The following BIRC6 variants were observed in gnomAD, a reference collection of about 807,000 sequenced individuals.
The protein encoded by BIRC6 is dual E2 ubiquitin-conjugating enzyme/E3 ubiquitin-protein ligase BIRC6.
BIRC6 carries 98 observed loss-of-function variants against 503.3 expected under a neutral mutation model. That is an observed-to-expected ratio of 0.19 (90% CI 0.17 to 0.23). The LOEUF is 0.23. Ranked by LOEUF, BIRC6 falls within the 10% of genes least tolerant of loss-of-function variation. BIRC6 has a pLI of 1.00. For synonymous variants in BIRC6, 2,240 were observed against 2,078.7 expected, an observed-to-expected ratio of 1.08 and a Z score of -2.11; for missense variants, 5,360 against 5,806.0, an observed-to-expected ratio of 0.92 and a Z score of 2.50.
At chr2:32,519,103 T>C in intron 57 of BIRC6, 157 bp downstream of exon 57, 1 of 722,416 alleles carries the variant, frequency 1.4e-6, no homozygotes, top group Non-Finnish European at 2.1e-6. Context: ...AAGAAGCCAG[T>C]CAAGTGGACA....
chr2:32,399,953 A>G (rs2040419935), intron 6 of BIRC6, among the ~76,000 whole-genome samples: 1 of 150,578 alleles, frequency 6.6e-6, no homozygotes, highest in African/African-American at 2.4e-5. Context: ...ACACCCAGCT[A>G]ATTATTTTTA....
intron 6 of BIRC6, among the ~76,000 whole-genome samples, chr2:32,398,626 G>A (rs2040247453): frequency 6.6e-6 from 1 of 151,982 alleles, no homozygotes. Flanking sequence ...TTTTAGAAAT[G>A]TATCACTTAA....
intron 6 of BIRC6, among the ~76,000 whole-genome samples, chr2:32,396,665 TA>T (rs2039927922): frequency 6.6e-6 from 1 of 152,156 alleles, no homozygotes; most frequent in East Asian, 1.9e-4. Flanking sequence ...TAACCTATGA[TA>T]AAGTATAATT....
intron 12 of BIRC6, among the ~76,000 whole-genome samples, chr2:32,431,395 T>C (rs1407636027): frequency 6.6e-6 from 1 of 151,726 alleles, no homozygotes; most frequent in Non-Finnish European, 1.5e-5. Context: ...GGGGTTTCAC[T>C]CTGTTGGCCA....
At chr2:32,483,727 G>A (rs188208606) in intron 39 of BIRC6, among the ~76,000 whole-genome samples, 1 of 152,296 alleles carries the variant, frequency 6.6e-6, no homozygotes. Flanking sequence ...ATGGTCCTCA[G>A]TTTGTGTTTG....
chr2:32,415,965 G>A lies in BIRC6; in HGVS notation c.2674G>A (p.Glu892Lys), dbSNP rs769511242. 1.9e-6 allele frequency: 3 copies of A among 1,613,686 alleles called. No homozygotes were observed. In the South Asian group the frequency reaches 3.3e-5, roughly 18 times the overall value. ...AACCTCAAAGAATGGTTTTGAGAGAGAAAAAACGTCTGACATTTCTACTCT... is the reference window on the plus strand; with the variant it reads ...AACCTCAAAGAATGGTTTTGAGAGAAAAAAAACGTCTGACATTTCTACTCT... Reference protein sequence around the residue: ...QLTSKNGFEREKTSDISTLGH... With the variant: ...QLTSKNGFERKKTSDISTLGH... The change falls in exon 10 of 74, where the codon GAA becomes AAA. Residue 892 changes from glutamate (E) to lysine (K), a missense_variant. Glu to Lys is a moderately conservative substitution (Grantham distance 56). Transcript: ENST00000421745.
At chr2:32,503,277 C>G (rs762844511) in intron 49 of BIRC6, 41 bp downstream of exon 49, 1 of 1,519,610 alleles carries the variant, frequency 6.6e-7, no homozygotes, top group Admixed American at 2.1e-5. Context: ...GTGAAATTAT[C>G]TAGTTTATTA....
chr2:32,470,448 CAT>C (rs902439821), intron 31 of BIRC6, 147 bp downstream of exon 31: 77 of 755,282 alleles, frequency 1.0e-4, no homozygotes, highest in Non-Finnish European at 1.3e-4. Context: ...GAGCAACCCT[CAT>C]GTGATTGACT....
intron 37 of BIRC6, among the ~76,000 whole-genome samples, chr2:32,480,296 A>G (rs1366603198): frequency 1.3e-5 from 2 of 152,094 alleles, no homozygotes; most frequent in Non-Finnish European, 1.5e-5. Context: ...TGCCATCTGT[A>G]CTTCCCTTGC....
chr2:32,413,325 C>T (rs1163160594), intron 9 of BIRC6, among the ~76,000 whole-genome samples: 1 of 151,964 alleles, frequency 6.6e-6, no homozygotes, highest in Admixed American at 6.6e-5. Flanking sequence ...GGATTACAGG[C>T]ATGCACCACC....
chr2:32,393,456 A>C (rs543880987), intron 5 of BIRC6, among the ~76,000 whole-genome samples: 1 of 152,352 alleles, frequency 6.6e-6, no homozygotes, highest in East Asian at 1.9e-4. Context: ...TGCTAAAAGA[A>C]TCTAAGAAAT....
At chr2:32,467,413 T>C (rs2048676153) in intron 26 of BIRC6, 112 bp from the exon 27 acceptor site, 2 of 824,624 alleles carry the variant, frequency 2.4e-6, no homozygotes, top group Non-Finnish European at 3.8e-6. Flanking sequence ...CTCTTATTTA[T>C]AGTTTAGTGA....
At chr2:32,560,759 G>T (rs954677510) in intron 65 of BIRC6, among the ~76,000 whole-genome samples, 10 of 151,980 alleles carry the variant, frequency 6.6e-5, no homozygotes, top group African/African-American at 2.4e-4. Flanking sequence ...GTAGAAATAG[G>T]TTCTCATTAT....
intron 17 of BIRC6, 66 bp from the exon 18 acceptor site, chr2:32,441,999 C>G: frequency 1.7e-6 from 2 of 1,198,442 alleles, no homozygotes; most frequent in Non-Finnish European, 2.2e-6. Context: ...CCTTTCCAGC[C>G]AGGTTGTGAT....
At chr2:32,372,568 G>C (rs1168971023) in intron 1 of BIRC6, among the ~76,000 whole-genome samples, 1 of 152,078 alleles carries the variant, frequency 6.6e-6, no homozygotes, top group African/African-American at 2.4e-5. Context: ...TTGGGGCTGG[G>C]TGTGGTGGCT....
chr2:32,482,234 A>G (rs2050490538), intron 38 of BIRC6, among the ~76,000 whole-genome samples, 195 bp from the exon 39 acceptor site: 1 of 152,232 alleles, frequency 6.6e-6, no homozygotes, highest in Admixed American at 6.5e-5. Flanking sequence ...AGGTATTTTT[A>G]GATTTTGGCA....
intron 65 of BIRC6, among the ~76,000 whole-genome samples, chr2:32,551,306 A>G (rs1054338057): frequency 1.3e-5 from 2 of 152,162 alleles, no homozygotes; most frequent in Non-Finnish European, 2.9e-5. Flanking sequence ...TATTTGAGAC[A>G]GGGTTTCCCT....
intron 54 of BIRC6, among the ~76,000 whole-genome samples, chr2:32,513,649 G>A (rs2054679243): frequency 6.6e-6 from 1 of 152,080 alleles, no homozygotes; most frequent in South Asian, 2.1e-4. Context: ...AGTGGCTCAT[G>A]CCTGTAATCC....
At chr2:32,601,790 G>A (rs924755395) in intron 70 of BIRC6, among the ~76,000 whole-genome samples, 33 of 152,282 alleles carry the variant, frequency 2.2e-4, no homozygotes, top group African/African-American at 7.9e-4. Flanking sequence ...TGCTAAGTGA[G>A]TAAGTATCTA....
Sources: gnomAD v4.1 joint callset for allele counts (sites outside exome capture counted in the v4.1 genomes callset) on GRCh38, gnomAD v4.1.1 for gene constraint, MANE v1.5 for transcripts, NCBI Gene and HGNC (gene_info 2026-07-23, HGNC 2026-07-21) for gene names.